RBMS3: variants seen among roughly 807,000 people sequenced by gnomAD.
RBMS3 encodes RNA-binding motif, single-stranded-interacting protein 3.
RBMS3 carries 27 observed loss-of-function variants against 66.8 expected under a neutral mutation model. That is an observed-to-expected ratio of 0.40 (90% CI 0.30 to 0.56). The LOEUF (loss-of-function observed/expected upper bound fraction) is 0.56. Ranked by LOEUF, RBMS3 falls within the 20% of genes least tolerant of loss-of-function variation. The probability of loss-of-function intolerance (pLI) is 0.40; values close to 1 mark genes in which losing one functional copy is unlikely to be tolerated. For synonymous variants in RBMS3, 188 were observed against 183.0 expected, an observed-to-expected ratio of 1.03 and a Z score of -0.22; for missense variants, 513 against 549.5, an observed-to-expected ratio of 0.93 and a Z score of 0.66.
chr3:29,861,311 A>T (rs558790048), intron 6 of RBMS3, among the ~76,000 whole-genome samples: 5 of 152,212 alleles, frequency 3.3e-5, no homozygotes, highest in Admixed American at 6.5e-5. Context: ...TTTCTTCTCC[A>T]TCCAGCTCCT....
rs530857708 is a variant in RBMS3 at position 30,008,835 on chromosome 3, C to A, written c.*4973C>A. 1 of 152,000 alleles carries A rather than the reference C, an allele frequency of 6.6e-6. No individual in the cohort carries two copies. The highest frequency in any genetic ancestry group is 1.9e-4 in the East Asian group (1 of 5,192). The allele number at this position is 152,000 out of a possible 1,614,324, so 9.4% of individuals were successfully genotyped here. A position where few individuals can be genotyped will look rare whatever the true frequency, so the allele number is the denominator to read the frequency against. ...TGCTCTTGGTCATGGCTGTCCTTTG[C>A]GGATTACATAGCATTCAGGAAAGTA... On this transcript the variant is annotated 3_prime_UTR_variant, in exon 15 of 15. Coordinates refer to ENST00000383767, the MANE Select transcript of RBMS3 (RefSeq NM_001003793.3).
At chr3:29,635,798 A>G (rs566316336) in intron 4 of RBMS3, among the ~76,000 whole-genome samples, 13 of 151,998 alleles carry the variant, frequency 8.6e-5, no homozygotes, top group African/African-American at 2.9e-4. Flanking sequence ...GTTTTAAGGT[A>G]TAATCCTAAT....
At position 29,866,845 on chromosome 3, in the gene RBMS3, G is replaced by A. The variant is rs375430261; in HGVS notation, c.638-2013G>A. The stretch of plus-strand genomic sequence containing the variant: ...TTTTCCTGGCTTCACCCAAGTCACT[G>A]AAGTCAGAGGCTCATCAGAGCAGTC... On this transcript the variant is annotated intron_variant, in intron 6 of 14. Transcript: ENST00000383767. Among the ~76,000 whole-genome samples, 10 of 152,320 alleles carry A rather than the reference G, an allele frequency of 6.6e-5. No homozygotes were observed. In the South Asian group the frequency reaches 1.2e-3, roughly 19 times the overall value.
chr3:29,478,099 A>G (rs552637376), intron 2 of RBMS3, among the ~76,000 whole-genome samples: 109 of 152,212 alleles, frequency 7.2e-4, no homozygotes, highest in African/African-American at 2.6e-3. Flanking sequence ...TTAGAATGAA[A>G]CTAAGTGACC....
chr3:29,944,582 A>G (rs1209702863), intron 12 of RBMS3, among the ~76,000 whole-genome samples: 2 of 151,658 alleles, frequency 1.3e-5, no homozygotes, highest in Non-Finnish European at 3.0e-5. Flanking sequence ...ATTCCTGAAA[A>G]GTGGGAAAAT....
At chr3:29,790,487 T>C (rs2056971115) in intron 6 of RBMS3, among the ~76,000 whole-genome samples, 1 of 152,162 alleles carries the variant, frequency 6.6e-6, no homozygotes, top group South Asian at 2.1e-4. Flanking sequence ...CAGTAACCCA[T>C]AGTCCTTGTA....
chr3:29,645,895 C>G (rs1194662092), intron 4 of RBMS3, among the ~76,000 whole-genome samples: 1 of 152,132 alleles, frequency 6.6e-6, no homozygotes, highest in East Asian at 1.9e-4. Context: ...TATAGATAGC[C>G]TTTTAAATTT....
intron 1 of RBMS3, among the ~76,000 whole-genome samples, chr3:29,399,938 A>AT (rs2039733101): frequency 1.3e-5 from 2 of 152,228 alleles, no homozygotes; most frequent in East Asian, 1.9e-4. Flanking sequence ...TGGTCAAGAG[A>AT]TAAAAACTGT....
At chr3:29,725,487 A>C (rs961397436) in intron 4 of RBMS3, among the ~76,000 whole-genome samples, 1 of 151,950 alleles carries the variant, frequency 6.6e-6, no homozygotes, top group Non-Finnish European at 1.5e-5. Flanking sequence ...AGTAAAGAAG[A>C]AAAGAAAGAG....
At chr3:29,635,004 T>C (rs1215445930) in intron 4 of RBMS3, among the ~76,000 whole-genome samples, 2 of 151,946 alleles carry the variant, frequency 1.3e-5, no homozygotes, top group Non-Finnish European at 2.9e-5. Context: ...TTCTCACTTG[T>C]ATAATTTTCA....
At chr3:29,985,443 C>T (rs1003307361) in intron 12 of RBMS3, among the ~76,000 whole-genome samples, 11 of 152,204 alleles carry the variant, frequency 7.2e-5, no homozygotes, top group South Asian at 2.1e-4. Context: ...AATAGCTGCC[C>T]GGTTTTGTGC....
At chr3:29,560,715 G>T (rs553216944) in intron 3 of RBMS3, among the ~76,000 whole-genome samples, 4 of 152,308 alleles carry the variant, frequency 2.6e-5, no homozygotes, top group Admixed American at 2.6e-4. Context: ...TCATTTTGTT[G>T]TATAAACTCT....
At chr3:29,944,149 CTATTT>C (rs1388389182) in intron 11 of RBMS3, 53 bp from the exon 12 acceptor site, 137 of 1,470,144 alleles carry the variant, frequency 9.3e-5, no homozygotes, top group Non-Finnish European at 1.3e-4. Flanking sequence ...AGGGCTGATT[CTATTT>C]TATTTTCTTT....
chr3:29,340,492 C>A (rs907522899), intron 1 of RBMS3, among the ~76,000 whole-genome samples: 2 of 152,048 alleles, frequency 1.3e-5, no homozygotes, highest in African/African-American at 2.4e-5. Flanking sequence ...TCTCTAGTTG[C>A]CAAATAAATT....
At position 29,434,792 on chromosome 3, in the gene RBMS3, C is replaced by G. The variant is rs1256042085; in HGVS notation, c.125C>G (p.Thr42Arg). The G allele has an allele frequency of 6.2e-7, 1 of 1,614,084 alleles. No homozygotes were observed. The highest frequency in any genetic ancestry group is 1.1e-5 in the South Asian group (1 of 91,076). ...CCCATGGCTCCTCCCAGCCCCAGCA[C>G]AAACAGCAGCAGCAACAACAGCAGC... ...PHPMAPPSPS[T>R]NSSSNNSSNN... The change falls in exon 2 of 15, where the codon ACA becomes AGA. Residue 42 changes from threonine to arginine, a missense_variant. By Grantham distance (71) the Thr-to-Arg change is moderately conservative. Coordinates refer to ENST00000383767, the MANE Select transcript of RBMS3 (RefSeq NM_001003793.3).
intron 12 of RBMS3, among the ~76,000 whole-genome samples, chr3:29,981,297 TG>T (rs1291232272): frequency 6.6e-6 from 1 of 152,222 alleles, no homozygotes; most frequent in East Asian, 1.9e-4. Flanking sequence ...GAGACTGTGC[TG>T]AAGTTGCTCA....
intron 4 of RBMS3, among the ~76,000 whole-genome samples, chr3:29,643,199 C>G (rs2149199907): frequency 6.6e-6 from 1 of 152,226 alleles, no homozygotes; most frequent in East Asian, 1.9e-4. Flanking sequence ...CAGATTTAAT[C>G]TGACAGCCAC....
chr3:29,913,007 G>A (rs2060553094), intron 10 of RBMS3, among the ~76,000 whole-genome samples: 1 of 151,850 alleles, frequency 6.6e-6, no homozygotes, highest in Non-Finnish European at 1.5e-5. Flanking sequence ...GCTGTTGAGT[G>A]CTTGAGAGGC....
intron 6 of RBMS3, among the ~76,000 whole-genome samples, chr3:29,818,999 C>T (rs2057998586): frequency 6.6e-6 from 1 of 152,084 alleles, no homozygotes; most frequent in African/African-American, 2.4e-5. Flanking sequence ...GTTTTCTAGA[C>T]CCAGGAAATT....
Sources: gnomAD v4.1 joint callset for allele counts (sites outside exome capture counted in the v4.1 genomes callset) on GRCh38, gnomAD v4.1.1 for gene constraint, MANE v1.5 for transcripts, NCBI Gene and HGNC (gene_info 2026-07-23, HGNC 2026-07-21) for gene names.